Variants in TTC7A observed in about 807,000 individuals in gnomAD.
The protein encoded by TTC7A is tetratricopeptide repeat protein 7A.
Under a neutral mutation model 103.7 loss-of-function variants are expected in TTC7A, and 110 were observed. That is an observed-to-expected ratio of 1.06 (90% CI 0.91 to 1.24). The LOEUF is 1.24. Among genes scored for constraint, TTC7A ranks in the 50% most tolerant of loss-of-function variants. The pLI is 0.00. For synonymous variants in TTC7A, 521 were observed against 467.9 expected (o/e 1.11, Z -1.47); for missense variants, 1,340 against 1,116.3 (o/e 1.20, Z -2.86).
intron 3 of TTC7A, 58 bp downstream of exon 3, chr2:46,957,065 AC>A: frequency 6.2e-7 from 1 of 1,600,254 alleles, no homozygotes; most frequent in Non-Finnish European, 8.6e-7. Flanking sequence ...TTGCACTCTG[AC>A]TCCCAGGGCC....
intron 6 of TTC7A, 83 bp from the exon 7 acceptor site, chr2:46,994,274 T>G: frequency 6.7e-7 from 1 of 1,492,018 alleles, no homozygotes; most frequent in Non-Finnish European, 9.0e-7. Context: ...CAGATTTAGC[T>G]GGGATGGGCA....
chr2:46,956,744 C>A, intron 2 of TTC7A, 95 bp from the exon 3 acceptor site: 1 of 1,395,616 alleles, frequency 7.2e-7, no homozygotes, highest in South Asian at 1.2e-5. Context: ...GAGTTCTGAG[C>A]AAGGTCTGAG....
intron 3 of TTC7A, among the ~76,000 whole-genome samples, chr2:46,963,105 A>C (rs1223161802): frequency 6.6e-6 from 1 of 152,204 alleles, no homozygotes; most frequent in Non-Finnish European, 1.5e-5. Context: ...TGAGAGCTGC[A>C]GCAGGGGGTC....
intron 14 of TTC7A, among the ~76,000 whole-genome samples, chr2:47,025,924 G>A (rs1038774812): frequency 8.5e-5 from 13 of 152,164 alleles, no homozygotes; most frequent in African/African-American, 2.9e-4. Flanking sequence ...TTAGTTCCCT[G>A]TAAAAGAACC....
intron 8 of TTC7A, among the ~76,000 whole-genome samples, chr2:47,000,879 G>A (rs1307824677): frequency 1.3e-5 from 2 of 152,166 alleles, no homozygotes; most frequent in African/African-American, 4.8e-5. Flanking sequence ...GATGGGAGAA[G>A]CCTGGCCTTG....
intron 12 of TTC7A, among the ~76,000 whole-genome samples, chr2:47,022,807 C>G (rs139042487): frequency 7.7e-4 from 117 of 152,326 alleles, no homozygotes; most frequent in African/African-American, 2.8e-3. Flanking sequence ...CCCTCCTTGT[C>G]CTTTTAACTC....
intron 19 of TTC7A, among the ~76,000 whole-genome samples, chr2:47,069,718 G>A (rs1442996303): frequency 2.0e-5 from 3 of 152,200 alleles, no homozygotes; most frequent in African/African-American, 2.4e-5. Context: ...GAGAGAATCC[G>A]GAATGCCAGA....
upstream of TTC7A, among the ~76,000 whole-genome samples, chr2:46,937,294 C>T (rs949603674): frequency 5.9e-5 from 9 of 152,134 alleles, no homozygotes; most frequent in African/African-American, 2.2e-4. The surrounding 1 kb of genome is among the most constrained non-coding windows in gnomAD (Gnocchi z 4.0). Flanking sequence ...CTATGCTCCT[C>T]CATCTCCCTC....
At chr2:46,975,908 T>C (rs1673830868) in intron 4 of TTC7A, among the ~76,000 whole-genome samples, 1 of 152,112 alleles carries the variant, frequency 6.6e-6, no homozygotes, top group Admixed American at 6.5e-5. Flanking sequence ...TTCTAATTTT[T>C]GTATTTTTAG....
intron 2 of TTC7A, 102 bp downstream of exon 2, chr2:46,950,628 C>T: frequency 7.6e-7 from 1 of 1,319,420 alleles, no homozygotes. Flanking sequence ...AGCAACAAGT[C>T]TCTCTTACAA....
At chr2:46,984,129 C>T (rs774015108) in intron 5 of TTC7A, among the ~76,000 whole-genome samples, 15 of 152,210 alleles carry the variant, frequency 9.9e-5, no homozygotes, top group Non-Finnish European at 1.8e-4. Flanking sequence ...AATCGAGGCA[C>T]GGGGAACAAA....
Position 47,029,341 on chromosome 2 carries a change from G to A in TTC7A, c.1759G>A (p.Asp587Asn). The change falls in exon 15 of 20, where the codon GAT becomes AAT. Residue 587 changes from aspartate (D) to asparagine (N), a missense_variant. By Grantham distance (23) the Asp-to-Asn change is conservative. Coordinates refer to ENST00000319190, the MANE Select transcript of TTC7A (RefSeq NM_020458.4). ...SAQKHHQHAL[D>N]VVNMAITEHP... Reference sequence around the variant, plus strand: ...CCAGAAGCACCACCAGCATGCCCTGGATGTTGTCAACATGGCCATCACCGA... The same window carrying A: ...CCAGAAGCACCACCAGCATGCCCTGAATGTTGTCAACATGGCCATCACCGA... 2 of 1,614,056 alleles carry A rather than the reference G, an allele frequency of 1.2e-6. No individual in the cohort carries two copies. The highest frequency in any genetic ancestry group is 1.7e-6 in the Non-Finnish European group (2 of 1,180,034).
In TTC7A at chr2:47,024,326, C is replaced by T; in HGVS notation, c.1608C>T (p.Leu536=). Residue 536 remains leucine, a synonymous_variant, in exon 14 of 20, where the codon CTC becomes CTT. Transcript: ENST00000319190. The stretch of plus-strand genomic sequence containing the variant: ...CGCCCAGTGACCCCCAGGTCATCCT[C>T]TATGTCTCGCTGCAGCTGGCCCTCG... ...QLAPSDPQVI[L]YVSLQLALVR... 6.2e-7 allele frequency: 1 copy of T among 1,609,518 alleles called. No homozygotes were observed. Among genetic ancestry groups the T allele is most frequent in the Non-Finnish European group, 8.5e-7 (1 of 1,177,920 alleles).
chr2:47,070,088 G>A (rs75399165), intron 19 of TTC7A, among the ~76,000 whole-genome samples: 3,885 of 152,354 alleles, frequency 0.025, 135 homozygotes, highest in South Asian at 0.1. Flanking sequence ...GAAGAAGCAT[G>A]CACACCCCTA....
chr2:47,021,840 C>T, intron 11 of TTC7A, 22 bp from the exon 12 acceptor site: 1 of 1,601,592 alleles, frequency 6.2e-7, no homozygotes. Context: ...ACCTCCATGA[C>T]CTCTGTCTCT....
At chr2:46,933,881 A>G (rs943089859) in intron 2 of TTC7A, among the ~76,000 whole-genome samples, 1 of 152,188 alleles carries the variant, frequency 6.6e-6, no homozygotes, top group Non-Finnish European at 1.5e-5. Flanking sequence ...TGTGCTGGGA[A>G]CACAGGGCTC....
intron 14 of TTC7A, among the ~76,000 whole-genome samples, chr2:47,024,729 T>C (rs1036229478): frequency 2.6e-5 from 4 of 152,058 alleles, no homozygotes; most frequent in African/African-American, 9.7e-5. Context: ...ATGGAGCTGT[T>C]GCATGTTGGG....
Position 46,945,508 on chromosome 2 carries a change from G to A in TTC7A, c.184+3783G>A, listed in dbSNP as rs1426832750. 8.5e-5 allele frequency among the ~76,000 whole-genome samples: 13 copies of A among 152,138 alleles called. 1 individual carries two copies. Among genetic ancestry groups the A allele is most frequent in the South Asian group, 2.1e-4 (1 of 4,828 alleles). On this transcript the variant is annotated intron_variant, in intron 1 of 19. Coordinates refer to ENST00000319190, the MANE Select transcript of TTC7A (RefSeq NM_020458.4). The stretch of plus-strand genomic sequence containing the variant: ...CATGTTCCAGCCGCCTCGGCCTCCC[G>A]AAGTGCTGGGATTACGGGCGTGAGC...
chr2:46,940,375 T>C (rs1670225992), upstream of TTC7A, among the ~76,000 whole-genome samples: 1 of 152,122 alleles, frequency 6.6e-6, no homozygotes, highest in South Asian at 2.1e-4. The surrounding 1 kb of genome is among the most constrained non-coding windows in gnomAD (Gnocchi z 4.7). Flanking sequence ...TCTCCAGCAC[T>C]GGTCTGTGAG....
Sources: allele counts gnomAD v4.1 joint callset (sites outside exome capture counted in the v4.1 genomes callset), GRCh38; gene constraint gnomAD v4.1.1; non-coding constraint Gnocchi (gnomAD v3.1); transcripts MANE v1.5; gene names NCBI Gene and HGNC (gene_info 2026-07-23, HGNC 2026-07-21).